GRIP1: variants seen among roughly 807,000 people sequenced by gnomAD.
GRIP1 encodes glutamate receptor-interacting protein 1.
In GRIP1, 45 loss-of-function variants were observed where a neutral mutation model predicts 129.9. The ratio of observed to expected loss-of-function variants is 0.35; its 90% CI spans 0.27 to 0.44. The LOEUF is 0.44. Ranked by LOEUF, GRIP1 falls within the 20% of genes least tolerant of loss-of-function variation. The pLI is 1.00. For missense variants in GRIP1, 1,196 were observed against 1,396.8 expected, an observed-to-expected ratio of 0.86 and a Z score of 2.29; for synonymous variants, 530 against 520.8, an observed-to-expected ratio of 1.02 and a Z score of -0.24.
chr12:66,607,377 C>CA (rs1381603187), intron 1 of GRIP1, among the ~76,000 whole-genome samples: 2 of 152,172 alleles, frequency 1.3e-5, no homozygotes, highest in African/African-American at 4.8e-5. Flanking sequence ...CTGAGCCAAC[C>CA]ATTCTCTACA....
intron 2 of GRIP1, among the ~76,000 whole-genome samples, chr12:66,557,095 T>C (rs2139364707): frequency 6.6e-6 from 1 of 152,148 alleles, no homozygotes; most frequent in East Asian, 1.9e-4. Context: ...ACACTTCACC[T>C]ATAATGACTC....
At chr12:66,781,302 A>G (rs936398576) in intron 1 of GRIP1, among the ~76,000 whole-genome samples, 3 of 152,118 alleles carry the variant, frequency 2.0e-5, no homozygotes, top group Non-Finnish European at 4.4e-5. Flanking sequence ...TGCTTCAAAA[A>G]CTGTGCCAGG....
chr12:66,703,112 G>A (rs2035407316), intron 1 of GRIP1, among the ~76,000 whole-genome samples: 1 of 152,114 alleles, frequency 6.6e-6, no homozygotes, highest in South Asian at 2.1e-4. Flanking sequence ...GAGAAAAGGA[G>A]TAGAGCAGAT....
chr12:66,679,444 CAAA>C (rs10691128), upstream of GRIP1, among the ~76,000 whole-genome samples: 34 of 117,422 alleles, frequency 2.9e-4, no homozygotes, highest in Non-Finnish European at 4.4e-4. Context: ...AAACAACAAC[CAAA>C]AAAAAAAAAA....
chr12:66,869,811 G>A (rs1376870801), intron 1 of GRIP1, among the ~76,000 whole-genome samples: 1 of 152,084 alleles, frequency 6.6e-6, no homozygotes, highest in Non-Finnish European at 1.5e-5. Flanking sequence ...GTATCATGAG[G>A]CAGCATTTGG....
At chr12:66,520,693 T>G (rs142686742) in intron 5 of GRIP1, among the ~76,000 whole-genome samples, 1 of 152,326 alleles carries the variant, frequency 6.6e-6, no homozygotes, top group Non-Finnish European at 1.5e-5. Flanking sequence ...CATCATCAGT[T>G]GTCTTGAGGT....
intron 2 of GRIP1, among the ~76,000 whole-genome samples, chr12:66,550,338 C>T (rs1424699406): frequency 1.3e-5 from 2 of 151,952 alleles, no homozygotes; most frequent in Non-Finnish European, 2.9e-5. Flanking sequence ...TATATGTTAG[C>T]CAAGGTATTA....
chr12:66,992,166 C>CATA (rs2042403088), intron 1 of GRIP1, among the ~76,000 whole-genome samples: 1 of 152,104 alleles, frequency 6.6e-6, no homozygotes, highest in South Asian at 2.1e-4. Flanking sequence ...AAAATTAAAG[C>CATA]ATAATTTATG....
chr12:66,544,799 A>T (rs550757405), intron 2 of GRIP1, among the ~76,000 whole-genome samples: 1 of 152,136 alleles, frequency 6.6e-6, no homozygotes, highest in African/African-American at 2.4e-5. Context: ...CTTTTGGCTC[A>T]CCTGAAGTCT....
At chr12:66,462,171 C>T (rs796268558) in intron 9 of GRIP1, among the ~76,000 whole-genome samples, 3 of 152,264 alleles carry the variant, frequency 2.0e-5, no homozygotes, top group African/African-American at 7.2e-5. Context: ...TTCTGATTCT[C>T]CCAGACAAGA....
chr12:66,886,100 C>G (rs1442708704), intron 1 of GRIP1, among the ~76,000 whole-genome samples: 2 of 152,062 alleles, frequency 1.3e-5, no homozygotes, highest in African/African-American at 4.8e-5. Context: ...CCCATCTCTA[C>G]TAAAAATACA....
Position 66,691,325 on chromosome 12 carries a change from G to C in GRIP1, c.-419-60989C>G, listed in dbSNP as rs185145529. Among the ~76,000 whole-genome samples the C allele has an allele frequency of 1.6e-3, 246 of 152,290 alleles. 1 individual carries two copies. The highest frequency in any genetic ancestry group is 9.1e-3 in the South Asian group (44 of 4,820). The stretch of plus-strand genomic sequence containing the variant: ...AACATTGGGTTTGTTCAAGTGCTGT[G>C]ATTTGTGCTTAGGCTGAATAAGAAA... On this transcript the variant is annotated intron_variant, in intron 1 of 4. Transcript: ENST00000538373.
chr12:66,719,914 G>A (rs763807029), intron 1 of GRIP1, among the ~76,000 whole-genome samples: 1 of 152,166 alleles, frequency 6.6e-6, no homozygotes, highest in Non-Finnish European at 1.5e-5. Context: ...CAGATATAAA[G>A]TATTCTGCCC....
At chr12:66,398,024 C>A (rs2056858129) in intron 16 of GRIP1, among the ~76,000 whole-genome samples, 5 of 152,156 alleles carry the variant, frequency 3.3e-5, no homozygotes, top group Non-Finnish European at 7.4e-5. Flanking sequence ...GACCATATGG[C>A]CCGTCTGCCC....
At chr12:66,777,741 A>G (rs929173182) in intron 1 of GRIP1, among the ~76,000 whole-genome samples, 2 of 152,170 alleles carry the variant, frequency 1.3e-5, no homozygotes, top group Non-Finnish European at 2.9e-5. Flanking sequence ...CACACACACG[A>G]ACACACACTT....
intron 1 of GRIP1, among the ~76,000 whole-genome samples, chr12:66,881,972 T>G (rs1394208362): frequency 6.6e-6 from 1 of 152,194 alleles, no homozygotes; most frequent in African/African-American, 2.4e-5. Context: ...AGGTGGCATC[T>G]AATTCCTATT....
intron 1 of GRIP1, among the ~76,000 whole-genome samples, chr12:66,955,859 T>C (rs1343659273): frequency 1.3e-5 from 2 of 152,206 alleles, no homozygotes; most frequent in Non-Finnish European, 1.5e-5. Context: ...ATGAAAGCTC[T>C]ACAAGGGAAA....
chr12:66,619,197 T>C (rs2065164847), intron 1 of GRIP1, among the ~76,000 whole-genome samples: 1 of 152,110 alleles, frequency 6.6e-6, no homozygotes, highest in South Asian at 2.1e-4. Flanking sequence ...AGAGAAATAG[T>C]TTGGGATCCA....
chr12:66,846,884 T>C (rs933629709), intron 1 of GRIP1, among the ~76,000 whole-genome samples: 1 of 151,958 alleles, frequency 6.6e-6, no homozygotes, highest in Non-Finnish European at 1.5e-5. Context: ...TAGGAAAGGA[T>C]GAGGGAGGCA....
Sources: gnomAD v4.1 joint callset for allele counts (sites outside exome capture counted in the v4.1 genomes callset) on GRCh38, gnomAD v4.1.1 for gene constraint, MANE v1.5 for transcripts, NCBI Gene and HGNC (gene_info 2026-07-23, HGNC 2026-07-21) for gene names.